The following ELMO2 variants were observed in gnomAD, a reference collection of about 807,000 sequenced individuals.
ELMO2 encodes the protein engulfment and cell motility protein 2.
ELMO2 carries 37 observed loss-of-function variants against 96.2 expected under a neutral mutation model. That is an observed-to-expected ratio of 0.38 (90% CI 0.30 to 0.51). ELMO2 has a LOEUF of 0.51. ELMO2 is among the 20% of genes least tolerant of loss of function. ELMO2 has a pLI of 0.88. For synonymous variants in ELMO2, 315 were observed against 329.4 expected, an observed-to-expected ratio of 0.96 and a Z score of 0.47; for missense variants, 561 against 912.6, an observed-to-expected ratio of 0.61 and a Z score of 4.96.
Position 46,371,587 on chromosome 20 carries a change from C to A in ELMO2, c.1685G>T (p.Arg562Leu). Residue 562 changes from arginine (R) to leucine (L), a missense_variant, in exon 18 of 22, where the codon CGA (arginine) becomes CTA (leucine). By Grantham distance (102) the Arg-to-Leu change is moderately radical. Transcript: ENST00000290246. This position sits in a 1 kb window ranked among gnomAD's most constrained non-coding sequence, Gnocchi z 5.9. ...GSSFRKIGNR[R>L]RQERFWYCRL... ...GCCCCGTCTCCTCTCACCTTGCCTT[C>A]GGCGGTTCCCAATCTTTCGGAAGCT... 1 of 1,602,660 alleles carries A rather than the reference C, an allele frequency of 6.2e-7. No homozygotes were observed. Among genetic ancestry groups the A allele is most frequent in the Non-Finnish European group, 8.5e-7 (1 of 1,174,942 alleles).
At chr20:46,393,661 T>C in intron 4 of ELMO2, 60 bp from the exon 5 acceptor site, 3 of 1,568,770 alleles carry the variant, frequency 1.9e-6, no homozygotes, top group African/African-American at 1.4e-5. Context: ...AAGCTGCTCA[T>C]AAGTAATTTT....
At chr20:46,388,698 C>T (rs1366528628) in intron 7 of ELMO2, among the ~76,000 whole-genome samples, 2 of 152,124 alleles carry the variant, frequency 1.3e-5, no homozygotes, top group Admixed American at 6.5e-5. Context: ...ACCATCTGCT[C>T]ACTAACCCTC....
At chr20:46,387,540 C>T (rs1224338410) in intron 7 of ELMO2, 103 bp from the exon 8 acceptor site, 2 of 802,920 alleles carry the variant, frequency 2.5e-6, no homozygotes, top group South Asian at 1.6e-5. Context: ...GTGAACACCC[C>T]ATGGGAAATC....
rs568243220 is a variant in ELMO2 at position 46,391,000 on chromosome 20, T to G, written c.244-1780A>C. Reference sequence around the variant, plus strand: ...AGAAACCTCCAACTCCAAATGTCAATTTTCCTCCTGAGACAGCATTTCTGG... The same window carrying G: ...AGAAACCTCCAACTCCAAATGTCAAGTTTCCTCCTGAGACAGCATTTCTGG... On this transcript the variant is annotated intron_variant, in intron 6 of 21. Transcript: ENST00000290246. 2.6e-5 allele frequency: 4 copies of G among 152,588 alleles called. No homozygotes were observed. In the South Asian group the frequency reaches 6.2e-4, roughly 24 times the overall value. 9.5% of individuals were successfully genotyped at this position (152,588 alleles called of 1,614,324 possible). A position where few individuals can be genotyped will look rare whatever the true frequency, so the allele number is the denominator to read the frequency against.
chr20:46,393,991 A>G lies in ELMO2; in HGVS notation c.119+58T>C, dbSNP rs899479040. On this transcript the variant is annotated intron_variant, in intron 4 of 21. Transcript: ENST00000290246. ...CTTCCCAGAACTCCCCTCAAGGTGTAGGAGTGCTCTTTCAGTCGGAGCTGC... is the reference window on the plus strand; with the variant it reads ...CTTCCCAGAACTCCCCTCAAGGTGTGGGAGTGCTCTTTCAGTCGGAGCTGC... 6.2e-6 allele frequency: 10 copies of G among 1,611,150 alleles called. No individual in the cohort carries two copies. In the African/African-American group the frequency reaches 1.2e-4, roughly 19 times the overall value.
chr20:46,393,931 G>T, intron 4 of ELMO2, 118 bp downstream of exon 4: 2 of 1,330,146 alleles, frequency 1.5e-6, no homozygotes, highest in South Asian at 1.2e-5. Context: ...TGATTCCCAA[G>T]ACCCCCATGC....
At chr20:46,395,165 G>T (rs1264556480) in intron 2 of ELMO2, among the ~76,000 whole-genome samples, 1 of 152,208 alleles carries the variant, frequency 6.6e-6, no homozygotes, top group Admixed American at 6.5e-5. Context: ...CTCAAGTGGA[G>T]AGAGGTAAGG....
chr20:46,386,034 G>T, intron 9 of ELMO2, 90 bp downstream of exon 9: 1 of 1,437,340 alleles, frequency 7.0e-7, no homozygotes, highest in Non-Finnish European at 9.5e-7. Context: ...TGGAATATAA[G>T]CAAAGGAGAG....
In ELMO2 at chr20:46,367,449, G is replaced by A. The variant is rs375262745; in HGVS notation, c.2074C>T (p.Leu692=). ...GGAATCTGGATGTTCTCCAGGTCCA[G>A]GAGCCGCAGCTTCATCTCCATGCTC... ...LLSMEMKLRL[L]DLENIQIPEA... is the part of the protein sequence containing the mutation. The change falls in exon 22 of 22, where the codon CTG becomes TTG. Residue 692 remains leucine, a synonymous_variant. Coordinates refer to ENST00000290246, the MANE Select transcript of ELMO2 (RefSeq NM_133171.5). 3 of 1,613,540 alleles carry A rather than the reference G, an allele frequency of 1.9e-6. No homozygotes were observed. The highest frequency in any genetic ancestry group is 2.5e-6 in the Non-Finnish European group (3 of 1,179,840).
At chr20:46,387,959 A>G (rs2060079616) in intron 7 of ELMO2, among the ~76,000 whole-genome samples, 1 of 152,250 alleles carries the variant, frequency 6.6e-6, no homozygotes, top group Admixed American at 6.5e-5. Flanking sequence ...TGTGGAGACG[A>G]CAAGATGATG....
intron 1 of ELMO2, among the ~76,000 whole-genome samples, chr20:46,401,493 C>A (rs1331455989): frequency 6.6e-6 from 1 of 152,124 alleles, no homozygotes; most frequent in East Asian, 1.9e-4. Context: ...TGGGTTTCTT[C>A]ATCTTGATTC....
chr20:46,371,410 A>G lies in ELMO2; in HGVS notation c.1743T>C (p.Tyr581=). The G allele has an allele frequency of 6.2e-7, 1 of 1,614,266 alleles. No individual in the cohort carries two copies. The highest frequency in any genetic ancestry group is 8.5e-7 in the Non-Finnish European group (1 of 1,180,054). Residue 581 remains tyrosine, a synonymous_variant, in exon 19 of 22, where the codon TAT becomes TAC. Transcript: ENST00000290246. This position sits in a 1 kb window ranked among gnomAD's most constrained non-coding sequence, Gnocchi z 5.9. ...RLALNHKVLH[Y]GDLDDNPQGE... ...CTTGTGGGTTGTCATCCAAGTCACCATAGTGAAGGACCTTGTGGTTCAGTG... is the reference window on the plus strand; with the variant it reads ...CTTGTGGGTTGTCATCCAAGTCACCGTAGTGAAGGACCTTGTGGTTCAGTG...
intron 6 of ELMO2, among the ~76,000 whole-genome samples, chr20:46,392,353 G>C (rs973734477): frequency 6.6e-6 from 1 of 151,988 alleles, no homozygotes; most frequent in African/African-American, 2.4e-5. Context: ...TTACCTCCTA[G>C]ATACTCTTCA....
At position 46,375,391 on chromosome 20, in the gene ELMO2, T is replaced by A; in HGVS notation, c.931-21A>T. On this transcript the variant is annotated intron_variant, in intron 12 of 21. Coordinates refer to ENST00000290246, the MANE Select transcript of ELMO2 (RefSeq NM_133171.5). The surrounding 1 kb of genome is among the most constrained non-coding windows in gnomAD (Gnocchi z 4.6). ...TGAGCCTGCGAGGTGAAACAGACAG[T>A]CAGCAGGTGAATCGGCTAACCAAGG... 1 of 1,612,222 alleles carries A rather than the reference T, an allele frequency of 6.2e-7. No individual in the cohort carries two copies. The highest frequency in any genetic ancestry group is 8.5e-7 in the Non-Finnish European group (1 of 1,178,524).
chr20:46,390,118 A>C (rs1267089452), intron 6 of ELMO2, among the ~76,000 whole-genome samples: 1 of 152,150 alleles, frequency 6.6e-6, no homozygotes, highest in Non-Finnish European at 1.5e-5. Context: ...ATGCCACTGC[A>C]CTCCAGCCTG....
chr20:46,388,932 G>A (rs1354271326), intron 7 of ELMO2, 107 bp downstream of exon 7: 2 of 1,093,324 alleles, frequency 1.8e-6, no homozygotes, highest in African/African-American at 1.6e-5. Context: ...GCACACAGGT[G>A]GTATTCAATA....
intron 1 of ELMO2, among the ~76,000 whole-genome samples, chr20:46,401,590 A>C (rs990236887): frequency 1.3e-5 from 2 of 152,170 alleles, no homozygotes; most frequent in Non-Finnish European, 2.9e-5. Context: ...TGCTTAAGTA[A>C]GCTCCTTAGC....
At chr20:46,370,278 G>A (rs1324591288) in intron 20 of ELMO2, 165 bp downstream of exon 20, 5 of 715,734 alleles carry the variant, frequency 7.0e-6, no homozygotes, top group Non-Finnish European at 1.0e-5. Context: ...TCTGGGTGAT[G>A]TGTATACAGA....
chr20:46,371,895 G>A lies in ELMO2; in HGVS notation c.1491C>T (p.Ser497=). The A allele has an allele frequency of 1.2e-6, 2 of 1,614,228 alleles. No individual in the cohort carries two copies. The highest frequency in any genetic ancestry group is 1.7e-4 in the Middle Eastern group (1 of 6,054). ...CAGAGTAACTCAGGCTACGCAATTTGCTCTTGAACTGATCCAAAGAGTTGG... is the reference window on the plus strand; with the variant it reads ...CAGAGTAACTCAGGCTACGCAATTTACTCTTGAACTGATCCAAAGAGTTGG... ...SKPNSLDQFK[S]KLRSLSYSEI... is the part of the protein sequence containing the mutation. Residue 497 remains serine (S), a synonymous_variant, in exon 17 of 22, where the codon AGC becomes AGT. Transcript: ENST00000290246. This position sits in a 1 kb window ranked among gnomAD's most constrained non-coding sequence, Gnocchi z 5.9.
Sources: allele counts gnomAD v4.1 joint callset (sites outside exome capture counted in the v4.1 genomes callset), GRCh38; gene constraint gnomAD v4.1.1; non-coding constraint Gnocchi (gnomAD v3.1); transcripts MANE v1.5; gene names NCBI Gene and HGNC (gene_info 2026-07-23, HGNC 2026-07-21).